Variants in NPIPB2 observed in about 807,000 individuals in gnomAD.
NPIPB2 encodes the protein nuclear pore complex-interacting protein family member B2.
In NPIPB2, 27 loss-of-function variants were observed where a neutral mutation model predicts 30.8. That is an observed-to-expected ratio of 0.88 (90% confidence interval 0.65 to 1.21). The LOEUF is 1.21. NPIPB2 is among the 50% of genes most tolerant of loss of function. The probability of loss-of-function intolerance (pLI) is 0.00; values close to 1 mark genes in which losing one functional copy is unlikely to be tolerated. For synonymous variants in NPIPB2, 147 were observed against 162.0 expected (o/e 0.91, Z 0.70); for missense variants, 440 against 446.2 (o/e 0.99, Z 0.13).
At chr16:11,945,033 A>G (rs554865364), upstream of NPIPB2, among the ~76,000 whole-genome samples, 178 of 151,796 alleles carry the variant, frequency 1.2e-3, no homozygotes, top group Non-Finnish European at 2.3e-3. Flanking sequence ...AAAAAAAAAA[A>G]AAAATTAGCC....
rs1246266156 is a variant in NPIPB2 at position 11,940,594 on chromosome 16, A to G, written c.63+1389T>C. Among the ~76,000 whole-genome samples the G allele has an allele frequency of 9.5e-5, 13 of 136,936 alleles. No individual in the cohort carries two copies. In the South Asian group the frequency reaches 1.1e-3, roughly 12 times the overall value. 89.8% of individuals were successfully genotyped at this position (136,936 alleles called of 152,430 possible). A position where few individuals can be genotyped will look rare whatever the true frequency, so the allele number is the denominator to read the frequency against. On this transcript the variant is annotated intron_variant, in intron 1 of 7. Transcript: ENST00000399147. The stretch of plus-strand genomic sequence containing the variant: ...TCTACTAAAAATACAAAAATTAGCC[A>G]GGCGTGGTGGTCTACTAAAAATACA...
At chr16:11,962,884 T>C (rs2055164183) in intron 1 of NPIPB2, among the ~76,000 whole-genome samples, 1 of 151,754 alleles carries the variant, frequency 6.6e-6, no homozygotes, top group African/African-American at 2.4e-5. Flanking sequence ...CTGCCCAATA[T>C]GGTGAAATCC....
rs549949940 is a variant in NPIPB2 at position 11,941,997 on chromosome 16, A to G, written c.49T>C (p.Trp17Arg). 7.3e-6 allele frequency: 9 copies of G among 1,234,724 alleles called. No individual in the cohort carries two copies. In the East Asian group the frequency reaches 2.0e-4, roughly 28 times the overall value. The allele number at this position is 1,234,724 out of a possible 1,614,324, so 76.5% of individuals were successfully genotyped here. ...GAACCTCATACCCAAGCAGAGTGCC[A>G]GGTTTTACAGCCTCCGCTCAGCCAT... Residue 17 changes from tryptophan to arginine, a missense_variant, in exon 1 of 8, where the codon TGG becomes CGG. Transcript: ENST00000399147.
chr16:11,932,396 C>A (rs912830634), intron 4 of NPIPB2, among the ~76,000 whole-genome samples: 1 of 149,786 alleles, frequency 6.7e-6, no homozygotes, highest in Non-Finnish European at 1.5e-5. Context: ...CGGTGGCTCA[C>A]ACTGGGAGGC....
intron 1 of NPIPB2, among the ~76,000 whole-genome samples, chr16:11,941,588 TA>T (rs1339607856): frequency 1.5e-5 from 2 of 129,302 alleles, no homozygotes; most frequent in African/African-American, 6.4e-5. Flanking sequence ...GCGTGAGGCT[TA>T]GGGGCAATTA....
chr16:11,934,281 C>T (rs77177494), intron 2 of NPIPB2, among the ~76,000 whole-genome samples: 38,364 of 146,382 alleles, frequency 0.26, 5,781 homozygotes, highest in East Asian at 0.56. Flanking sequence ...GAGGCTGGCA[C>T]GGTGGCTCAC....
intron 1 of NPIPB2, among the ~76,000 whole-genome samples, chr16:11,939,040 C>T (rs2054904236): frequency 6.6e-6 from 1 of 152,150 alleles, no homozygotes; most frequent in Admixed American, 6.5e-5. Context: ...GCCACTGCAC[C>T]TGGCCAGTAG....
At chr16:11,952,323 G>A (rs1431953279) in intron 1 of NPIPB2, among the ~76,000 whole-genome samples, 2 of 151,660 alleles carry the variant, frequency 1.3e-5, no homozygotes, top group Non-Finnish European at 2.9e-5. Flanking sequence ...ACTCCAGCCT[G>A]GATGATAGAG....
At chr16:11,939,039 C>G (rs1027491301) in intron 1 of NPIPB2, among the ~76,000 whole-genome samples, 2 of 152,102 alleles carry the variant, frequency 1.3e-5, no homozygotes, top group South Asian at 2.1e-4. Context: ...AGCCACTGCA[C>G]CTGGCCAGTA....
chr16:11,948,652 A>G (rs2055034672), intron 1 of NPIPB2, among the ~76,000 whole-genome samples: 1 of 150,086 alleles, frequency 6.7e-6, no homozygotes, highest in African/African-American at 2.4e-5. Flanking sequence ...CTGTAGTCCC[A>G]GCTACTTGGG....
chr16:11,948,400 G>A (rs1338991988), intron 1 of NPIPB2, among the ~76,000 whole-genome samples: 1 of 152,260 alleles, frequency 6.6e-6, no homozygotes, highest in Admixed American at 6.5e-5. Flanking sequence ...TTGGCAAAAA[G>A]ACTGAACATA....
intron 1 of NPIPB2, among the ~76,000 whole-genome samples, chr16:11,962,449 A>G (rs2055160174): frequency 1.3e-5 from 2 of 151,750 alleles, no homozygotes; most frequent in African/African-American, 4.8e-5. Context: ...TCTACTAAAA[A>G]TACAAAAACA....
intron 1 of NPIPB2, among the ~76,000 whole-genome samples, chr16:11,964,379 C>G (rs10451099): frequency 1.3e-3 from 191 of 151,934 alleles, no homozygotes; most frequent in African/African-American, 4.3e-3. Flanking sequence ...TGGCATTGTG[C>G]GTCTTCCTTA....
intron 1 of NPIPB2, chr16:11,956,209 TCAGG>T (rs2055111189): frequency 6.6e-6 from 1 of 152,086 alleles, no homozygotes; most frequent in Non-Finnish European, 1.5e-5. Context: ...TCACCAACAC[TCAGG>T]CAGGGAAACT....
At chr16:11,951,801 G>T (rs2055068329) in intron 1 of NPIPB2, among the ~76,000 whole-genome samples, 1 of 152,022 alleles carries the variant, frequency 6.6e-6, no homozygotes, top group African/African-American at 2.4e-5. Flanking sequence ...GCCGAGGCGG[G>T]CGGATGATGA....
chr16:11,946,385 CAAAAAAAAAA>C (rs34318693), upstream of NPIPB2, among the ~76,000 whole-genome samples: 1 of 70,110 alleles, frequency 1.4e-5, no homozygotes, highest in African/African-American at 5.7e-5. Flanking sequence ...AACTCTATCT[CAAAAAAAAAA>C]AAAAAAAAAA....
intron 1 of NPIPB2, among the ~76,000 whole-genome samples, chr16:11,947,774 T>C (rs892555210): frequency 1.3e-5 from 2 of 151,560 alleles, no homozygotes; most frequent in South Asian, 2.1e-4. Flanking sequence ...CCCCTTGTGA[T>C]TTATTGGCCC....
chr16:11,962,252 G>A, intron 1 of NPIPB2, among the ~76,000 whole-genome samples: 1 of 147,816 alleles, frequency 6.8e-6, no homozygotes, highest in Non-Finnish European at 1.5e-5. Context: ...TGTAATCCCA[G>A]CACTTTGGGA....
intron 1 of NPIPB2, among the ~76,000 whole-genome samples, chr16:11,939,201 TA>T (rs71139506): frequency 4.9e-4 from 72 of 146,690 alleles, no homozygotes; most frequent in African/African-American, 1.6e-3. Context: ...TCAGCATAAG[TA>T]AAAAAAAAAA....
Sources: allele counts gnomAD v4.1 joint callset (sites outside exome capture counted in the v4.1 genomes callset), GRCh38; gene constraint gnomAD v4.1.1; transcripts MANE v1.5; gene names NCBI Gene and HGNC (gene_info 2026-07-23, HGNC 2026-07-21).